Variants in MAN2B2 observed in about 807,000 individuals in gnomAD.
The protein encoded by MAN2B2 is mannosidase alpha class 2B member 2.
MAN2B2 carries 106 observed loss-of-function variants against 117.1 expected under a neutral mutation model. The observed-to-expected ratio is 0.90, with a 90% CI of 0.77 to 1.06. The LOEUF is 1.06. Among genes scored for constraint, MAN2B2 ranks in the 50% least tolerant of loss-of-function variants. The pLI is 0.00. For synonymous variants in MAN2B2, 544 were observed against 595.1 expected, an observed-to-expected ratio of 0.91 and a Z score of 1.25; for missense variants, 1,326 against 1,381.4, an observed-to-expected ratio of 0.96 and a Z score of 0.64.
intron 3 of MAN2B2, among the ~76,000 whole-genome samples, chr4:6,584,175 G>A (rs913923539): frequency 9.2e-5 from 14 of 152,198 alleles, no homozygotes; most frequent in Non-Finnish European, 1.3e-4. Flanking sequence ...TGGGGGAAGA[G>A]CCCTCCCCTG....
intron 3 of MAN2B2, among the ~76,000 whole-genome samples, chr4:6,579,099 GCAC>G (rs1332320457): frequency 4.5e-5 from 1 of 21,982 alleles, no homozygotes; most frequent in Non-Finnish European, 1.0e-4. Context: ...ACCATCACCA[GCAC>G]CACCACCATC....
chr4:6,583,332 G>A (rs975751303), intron 3 of MAN2B2, among the ~76,000 whole-genome samples: 1 of 152,238 alleles, frequency 6.6e-6, no homozygotes, highest in Admixed American at 6.5e-5. Context: ...GTGGTGTCAT[G>A]TGACCTCTAC....
intron 6 of MAN2B2, among the ~76,000 whole-genome samples, chr4:6,593,941 C>T (rs1487494404): frequency 6.6e-6 from 1 of 152,124 alleles, no homozygotes; most frequent in African/African-American, 2.4e-5. Context: ...CTTAGGGTGG[C>T]TAGGAAGGGG....
rs1166404283 is a variant in MAN2B2, at chr4:6,579,436, ACCCT to A, written c.391+939_391+942del. ...CACCATCACCACCACCATCACCACC[ACCCT>A]TCACCATCACCACCACCCTTCACCA... On this transcript the variant is annotated intron_variant, in intron 3 of 18. Transcript: ENST00000285599. Among the ~76,000 whole-genome samples the A allele has an allele frequency of 2.9e-4, 30 of 104,678 alleles. No homozygotes were observed. The East Asian group carries it at 8.4e-3, about 29-fold the overall frequency. The allele number at this position is 104,678 out of a possible 152,430, so 68.7% of individuals were successfully genotyped here. A position where few individuals can be genotyped will look rare whatever the true frequency, so the allele number is the denominator to read the frequency against.
intron 10 of MAN2B2, among the ~76,000 whole-genome samples, chr4:6,604,104 G>A (rs115602516): frequency 0.025 from 3,826 of 152,280 alleles, 149 homozygotes; most frequent in Non-Finnish European, 0.026. Flanking sequence ...AGGGCACAGC[G>A]TGGCACAGGC....
chr4:6,606,150 G>A (rs1002916339), intron 11 of MAN2B2, among the ~76,000 whole-genome samples: 3 of 152,188 alleles, frequency 2.0e-5, no homozygotes, highest in East Asian at 1.9e-4. Flanking sequence ...AAGGGGAGAG[G>A]GGAGACAGAA....
intron 3 of MAN2B2, among the ~76,000 whole-genome samples, chr4:6,579,042 TCACCACCATCAC>T (rs1726194399): frequency 4.1e-5 from 2 of 48,890 alleles, no homozygotes; most frequent in South Asian, 7.2e-4. Flanking sequence ...ACTACCACCA[TCACCACCATCAC>T]CACCACCATC....
At chr4:6,575,399 C>A in intron 1 of MAN2B2, 51 bp downstream of exon 1, 1 of 1,375,618 alleles carries the variant, frequency 7.3e-7, no homozygotes, top group Non-Finnish European at 9.7e-7. Flanking sequence ...CTTCCCTCTC[C>A]CCGCGGGATC....
At chr4:6,604,512 G>T (rs1405246526) in intron 10 of MAN2B2, among the ~76,000 whole-genome samples, 1 of 151,186 alleles carries the variant, frequency 6.6e-6, no homozygotes, top group Admixed American at 6.6e-5. Flanking sequence ...TGAGGGATGG[G>T]ATGACTAGGG....
chr4:6,617,721 C>T, intron 17 of MAN2B2: 1 of 699,280 alleles, frequency 1.4e-6, no homozygotes, highest in Non-Finnish European at 2.2e-6. Flanking sequence ...CACTCTGTTG[C>T]CCAGTCTGGG....
intron 3 of MAN2B2, among the ~76,000 whole-genome samples, chr4:6,583,586 G>A (rs973587803): frequency 2.6e-5 from 4 of 152,184 alleles, no homozygotes; most frequent in Non-Finnish European, 5.9e-5. Context: ...CAGCTAATCC[G>A]TACGGGTCTG....
chr4:6,618,312 T>C (rs577011701), intron 17 of MAN2B2: 1 of 152,342 alleles, frequency 6.6e-6, no homozygotes, highest in Non-Finnish European at 1.5e-5. Context: ...GGTAAAACTT[T>C]TAAAACACAG....
intron 3 of MAN2B2, among the ~76,000 whole-genome samples, chr4:6,585,313 C>A (rs557994489): frequency 1.2e-4 from 18 of 152,300 alleles, no homozygotes; most frequent in African/African-American, 4.1e-4. Context: ...CAGTGAAAGG[C>A]AGTTTGACTC....
chr4:6,585,550 G>A (rs1345193373), intron 3 of MAN2B2, among the ~76,000 whole-genome samples: 2 of 152,212 alleles, frequency 1.3e-5, no homozygotes, highest in Non-Finnish European at 2.9e-5. Context: ...ATGAATGGTT[G>A]GGTGATTCTG....
chr4:6,586,381 G>A (rs560626227), intron 3 of MAN2B2, among the ~76,000 whole-genome samples: 2 of 152,238 alleles, frequency 1.3e-5, no homozygotes, highest in South Asian at 2.1e-4. Context: ...TTGAACCACC[G>A]CACACTTAGG....
chr4:6,621,809 A>C lies in MAN2B2; in HGVS notation c.*524A>C, dbSNP rs1197429841. On this transcript the variant is annotated 3_prime_UTR_variant, in exon 19 of 19. Transcript: ENST00000285599. ...CGCCTAGCGAGAGTTCCAGCCCCAGACGCCCACCTGTGCCTCAGGGCACCG... is the reference window on the plus strand; with the variant it reads ...CGCCTAGCGAGAGTTCCAGCCCCAGCCGCCCACCTGTGCCTCAGGGCACCG... 6.6e-6 allele frequency: 1 copy of C among 152,542 alleles called. No individual in the cohort carries two copies. The highest frequency in any genetic ancestry group is 1.5e-5 in the Non-Finnish European group (1 of 68,314). 9.4% of individuals were successfully genotyped at this position (152,542 alleles called of 1,614,324 possible).
In MAN2B2 at chr4:6,587,042, C is replaced by A. The variant is rs778762143; in HGVS notation, c.438C>A (p.Phe146Leu). Residue 146 changes from phenylalanine to leucine, a missense_variant, in exon 4 of 19, where the codon TTC becomes TTA. Phe to Leu is a conservative substitution (Grantham distance 22). Transcript: ENST00000285599. ...LYETFGIRPQ[F>L]SWHVDPFGAS... ...AAACATTTGGGATCCGGCCACAGTT[C>A]TCCTGGCACGTTGACCCGTTTGGCG... 1 of 1,614,090 alleles carries A rather than the reference C, an allele frequency of 6.2e-7. No homozygotes were observed. Among genetic ancestry groups the A allele is most frequent in the South Asian group, 1.1e-5 (1 of 91,078 alleles).
chr4:6,609,037 G>T, intron 11 of MAN2B2, 70 bp from the exon 12 acceptor site: 2 of 1,453,166 alleles, frequency 1.4e-6, no homozygotes, highest in Non-Finnish European at 1.9e-6. Flanking sequence ...GGAGAGAGAG[G>T]CTTGCCAGCC....
At chr4:6,588,043 G>A (rs1291381222) in intron 4 of MAN2B2, among the ~76,000 whole-genome samples, 1 of 152,188 alleles carries the variant, frequency 6.6e-6, no homozygotes, top group Non-Finnish European at 1.5e-5. Context: ...ACAGGCGGGA[G>A]CCACTGGTGC....
Sources: allele counts gnomAD v4.1 joint callset (sites outside exome capture counted in the v4.1 genomes callset), GRCh38; gene constraint gnomAD v4.1.1; transcripts MANE v1.5; gene names NCBI Gene and HGNC (gene_info 2026-07-23, HGNC 2026-07-21).